CACNA2D3: variants seen among roughly 807,000 people sequenced by gnomAD.
CACNA2D3 encodes the protein voltage-dependent calcium channel subunit alpha-2/delta-3.
In CACNA2D3, 60 loss-of-function variants were observed where a neutral mutation model predicts 160.6. The ratio of observed to expected loss-of-function variants is 0.37; its 90% CI spans 0.30 to 0.46. The LOEUF (loss-of-function observed/expected upper bound fraction) is 0.46, where lower values mean the gene tolerates loss of function less well. CACNA2D3 is among the 20% of genes least tolerant of loss of function. The pLI is 1.00. For synonymous variants in CACNA2D3, 558 were observed against 492.9 expected (o/e 1.13, Z -1.75); for missense variants, 1,205 against 1,365.0 (o/e 0.88, Z 1.85).
chr3:55,009,310 A>G, intron 33 of CACNA2D3, 78 bp from the exon 34 acceptor site: 1 of 1,289,060 alleles, frequency 7.8e-7, no homozygotes, highest in Non-Finnish European at 1.1e-6. Flanking sequence ...AGCGATGCCA[A>G]AGAATACAGA....
intron 31 of CACNA2D3, among the ~76,000 whole-genome samples, chr3:54,996,843 T>C (rs1269231554): frequency 6.6e-6 from 1 of 152,116 alleles, no homozygotes; most frequent in Admixed American, 6.5e-5. Flanking sequence ...TATGCAGCCA[T>C]ATAAAAGGAT....
rs199955264 is a variant in CACNA2D3 at position 54,413,388 on chromosome 3, ATATATATATC to A, written c.381+26634_381+26643del. 8.9e-3 allele frequency among the ~76,000 whole-genome samples: 1,298 copies of A among 146,574 alleles called. 14 individuals carry two copies. Among genetic ancestry groups the A allele is most frequent in the African/African-American group, 0.03 (1,187 of 39,362 alleles). ...GTGTGATAAGGATGTTTCTAGATGCATATATATATCTATATATATCTATATATATAGATAT... is the reference window on the plus strand; with the variant it reads ...GTGTGATAAGGATGTTTCTAGATGCATATATATATCTATATATATAGATAT... On this transcript the variant is annotated intron_variant, in intron 4 of 37. Coordinates refer to ENST00000474759, the MANE Select transcript of CACNA2D3 (RefSeq NM_018398.3).
intron 34 of CACNA2D3, 61 bp downstream of exon 34, chr3:55,009,504 A>G: frequency 1.4e-6 from 2 of 1,429,756 alleles, no homozygotes; most frequent in Non-Finnish European, 2.0e-6. Context: ...TTCACTGGCT[A>G]CTTTTCATCA....
rs1180126663 is a variant in CACNA2D3, at chr3:54,244,488, G to T, written c.205-75954G>T. On this transcript the variant is annotated intron_variant, in intron 2 of 37. Coordinates refer to ENST00000474759, the MANE Select transcript of CACNA2D3 (RefSeq NM_018398.3). ...CATCATTTGTGCTGCAGACTCACTG[G>T]CTGAGGAGTTCCCTGTGGCAGGAGC... is the stretch of plus-strand genomic sequence containing the variant. Among the ~76,000 whole-genome samples the T allele has an allele frequency of 2.0e-5, 3 of 152,226 alleles. No individual in the cohort carries two copies. In the East Asian group the frequency reaches 5.8e-4, roughly 29 times the overall value.
At chr3:54,628,504 C>A (rs953493806) in intron 10 of CACNA2D3, among the ~76,000 whole-genome samples, 2 of 152,146 alleles carry the variant, frequency 1.3e-5, no homozygotes, top group African/African-American at 4.8e-5. Context: ...AGGCAGAGAA[C>A]TACATGGTCT....
intron 4 of CACNA2D3, among the ~76,000 whole-genome samples, chr3:54,408,273 C>T (rs1434851203): frequency 1.3e-5 from 2 of 152,010 alleles, no homozygotes; most frequent in Non-Finnish European, 2.9e-5. Context: ...TTGAGTGGAG[C>T]TTCTAAGAGC....
At chr3:54,402,877 A>T (rs1699496348) in intron 4 of CACNA2D3, among the ~76,000 whole-genome samples, 1 of 152,242 alleles carries the variant, frequency 6.6e-6, no homozygotes, top group Non-Finnish European at 1.5e-5. Context: ...CCATATGGTA[A>T]GCCACAAAGT....
chr3:54,306,328 TGAGA>T (rs140311356), intron 2 of CACNA2D3, among the ~76,000 whole-genome samples: 1 of 151,332 alleles, frequency 6.6e-6, no homozygotes, highest in Non-Finnish European at 1.5e-5. Flanking sequence ...TGTGTGTATA[TGAGA>T]GAGAGAGAGA....
intron 11 of CACNA2D3, among the ~76,000 whole-genome samples, chr3:54,731,508 T>C (rs1420120107): frequency 6.6e-6 from 1 of 152,184 alleles, no homozygotes; most frequent in Non-Finnish European, 1.5e-5. Flanking sequence ...GTCACAGTTA[T>C]TTACATCATT....
chr3:54,808,788 A>T lies in CACNA2D3; in HGVS notation c.1381-8065A>T, dbSNP rs554038966. Reference sequence around the variant, plus strand: ...CTCAGACCCTATCATTTCTTCACTAACCCACTGTGATGCAGCAGTGGCTCA... The same window carrying T: ...CTCAGACCCTATCATTTCTTCACTATCCCACTGTGATGCAGCAGTGGCTCA... On this transcript the variant is annotated intron_variant, in intron 13 of 37. Coordinates refer to ENST00000474759, the MANE Select transcript of CACNA2D3 (RefSeq NM_018398.3). Among the ~76,000 whole-genome samples, 3 of 152,170 alleles carry T rather than the reference A, an allele frequency of 2.0e-5. No homozygotes were observed. In the East Asian group the frequency reaches 5.8e-4, roughly 30 times the overall value.
intron 21 of CACNA2D3, 78 bp downstream of exon 21, chr3:54,880,941 A>G: frequency 8.0e-7 from 1 of 1,257,466 alleles, no homozygotes; most frequent in African/African-American, 1.5e-5. Flanking sequence ...TAGCTGAAGA[A>G]CTTGTTCATC....
At chr3:54,684,650 A>G (rs953264585) in intron 11 of CACNA2D3, among the ~76,000 whole-genome samples, 9 of 152,200 alleles carry the variant, frequency 5.9e-5, no homozygotes, top group African/African-American at 2.2e-4. Context: ...TAGATAGTGT[A>G]GATATCTGAT....
intron 24 of CACNA2D3, among the ~76,000 whole-genome samples, chr3:54,890,884 A>G (rs1001867593): frequency 6.6e-6 from 1 of 152,206 alleles, no homozygotes; most frequent in Admixed American, 6.5e-5. Flanking sequence ...GGATGCTGCA[A>G]ACTTGGTTCC....
At position 54,320,403 on chromosome 3, in the gene CACNA2D3, G is replaced by A. The variant is rs370052944; in HGVS notation, c.205-39G>A. The A allele has an allele frequency of 1.1e-5, 11 of 998,530 alleles. No individual in the cohort carries two copies. The Admixed American group carries it at 1.4e-4, about 13-fold the overall frequency. The allele number at this position is 998,530 out of a possible 1,614,324, so 61.9% of individuals were successfully genotyped here. A position where few individuals can be genotyped will look rare whatever the true frequency, so the allele number is the denominator to read the frequency against. On this transcript the variant is annotated intron_variant, in intron 2 of 37. Transcript: ENST00000474759. ...TGAAATCACAGCTGTGGTGTTTTAC[G>A]GTGTCATGTGTCTTGAATGTTGCCC... is the stretch of plus-strand genomic sequence containing the variant.
intron 35 of CACNA2D3, among the ~76,000 whole-genome samples, chr3:55,060,187 G>C (rs1318856826): frequency 6.6e-6 from 1 of 152,080 alleles, no homozygotes; most frequent in Non-Finnish European, 1.5e-5. Context: ...CTGAGAGCTG[G>C]AATCCAGATC....
intron 5 of CACNA2D3, among the ~76,000 whole-genome samples, chr3:54,557,963 C>T (rs1702265314): frequency 6.6e-6 from 1 of 152,170 alleles, no homozygotes; most frequent in African/African-American, 2.4e-5. Context: ...ACACAACAAG[C>T]CAGTACACTG....
At chr3:54,829,840 T>G (rs1031255851) in intron 14 of CACNA2D3, among the ~76,000 whole-genome samples, 10 of 150,278 alleles carry the variant, frequency 6.7e-5, no homozygotes, top group African/African-American at 2.4e-4. Context: ...TAAGCTCCCC[T>G]GTCACATTCT....
intron 26 of CACNA2D3, among the ~76,000 whole-genome samples, chr3:54,898,121 CTTTCTT>C (rs902745411): frequency 6.8e-5 from 10 of 146,030 alleles, no homozygotes; most frequent in South Asian, 6.5e-4. Flanking sequence ...TTTTTTCTTT[CTTTCTT>C]TTTCTTTTTC....
At chr3:54,467,514 C>T (rs573836046) in intron 4 of CACNA2D3, among the ~76,000 whole-genome samples, 8 of 152,254 alleles carry the variant, frequency 5.3e-5, no homozygotes, top group Non-Finnish European at 7.4e-5. Flanking sequence ...CAAGTTGCCT[C>T]GCCTCATCTC....
Sources: allele counts gnomAD v4.1 joint callset (sites outside exome capture counted in the v4.1 genomes callset), GRCh38; gene constraint gnomAD v4.1.1; transcripts MANE v1.5; gene names NCBI Gene and HGNC (gene_info 2026-07-23, HGNC 2026-07-21).